MBD1: variants seen among roughly 807,000 people sequenced by gnomAD.
MBD1 encodes methyl-CpG-binding domain protein 1.
Under a neutral mutation model 82.6 loss-of-function variants are expected in MBD1, and 25 were observed. The ratio of observed to expected loss-of-function variants is 0.30; its 90% CI spans 0.22 to 0.42. The LOEUF (loss-of-function observed/expected upper bound fraction) is 0.42, where lower values mean the gene tolerates loss of function less well. MBD1 is among the 10% of genes least tolerant of loss of function. MBD1 has a pLI of 1.00. For synonymous variants in MBD1, 301 were observed against 303.7 expected (o/e 0.99, Z 0.09); for missense variants, 627 against 819.6 (o/e 0.76, Z 2.87).
Position 50,271,590 on chromosome 18 carries a change from G to A in MBD1, c.1779-50C>T, listed in dbSNP as rs373530320. ...ATGTTGAATGAGGTTTGCTATGTGC[G>A]CAATGGAGCATTACAAAACCATTTC... On this transcript the variant is annotated intron_variant, in intron 15 of 16. Transcript: ENST00000269468. 7.6e-5 allele frequency: 122 copies of A among 1,599,692 alleles called. 3 individuals carry two copies. The South Asian group carries it at 9.4e-4, about 12-fold the overall frequency.
chr18:50,271,270 G>GCAC, intron 16 of MBD1, 199 bp downstream of exon 16: 1 of 1,437,788 alleles, frequency 7.0e-7, no homozygotes, highest in Non-Finnish European at 9.1e-7. Context: ...AGGAGAAGAT[G>GCAC]CACCAACTTT....
At chr18:50,270,257 G>T in intron 16 of MBD1, 1 of 1,118,308 alleles carries the variant, frequency 8.9e-7, no homozygotes, top group Non-Finnish European at 1.3e-6. Context: ...TGGGACTAGG[G>T]TAAGGCAAGG....
chr18:50,273,843 G>C lies in MBD1; in HGVS notation c.1167C>G (p.Val389=). The C allele has an allele frequency of 6.2e-7, 1 of 1,613,190 alleles. No individual in the cohort carries two copies. Among genetic ancestry groups the C allele is most frequent in the Non-Finnish European group, 8.5e-7 (1 of 1,179,996 alleles). Residue 389 remains valine, a synonymous_variant, in exon 12 of 17, where the codon GTC becomes GTG. Transcript: ENST00000269468. ...CTGCCCCATCCTCAGACTCTGACCA[G>C]ACACTGGGCAGCAGCCGCTTCTATG... is the stretch of plus-strand genomic sequence containing the variant. ...QFAMKRLLPS[V]WSESEDGAGS...
chr18:50,271,245 C>T, intron 16 of MBD1: 1 of 1,396,764 alleles, frequency 7.2e-7, no homozygotes, highest in Non-Finnish European at 9.3e-7. Flanking sequence ...ACTTCTTATA[C>T]TCAGGCTCTT....
chr18:50,281,616 G>A, upstream of MBD1: 1 of 451,358 alleles, frequency 2.2e-6, no homozygotes, highest in Non-Finnish European at 3.9e-6. Flanking sequence ...TTAATAGGGA[G>A]GCTCCCGCGC....
chr18:50,274,394 G>A lies in MBD1; in HGVS notation c.979-41C>T, dbSNP rs1254769168. 1.9e-6 allele frequency: 3 copies of A among 1,598,100 alleles called. No individual in the cohort carries two copies. In the East Asian group the frequency reaches 6.7e-5, roughly 36 times the overall value. ...TGGGTGGTGCTGTCAACTAGGACTA[G>A]GAGAGGCCATCCTCAACGCCTATTC... On this transcript the variant is annotated intron_variant, in intron 10 of 16. Coordinates refer to ENST00000269468, the MANE Select transcript of MBD1 (RefSeq NM_015846.4).
At chr18:50,280,370 G>A (rs1042384530) in intron 1 of MBD1, among the ~76,000 whole-genome samples, 7 of 151,540 alleles carry the variant, frequency 4.6e-5, no homozygotes, top group East Asian at 2.0e-4. Context: ...TGACCTAAGG[G>A]CCTCTATCCC....
intron 1 of MBD1, 115 bp from the exon 2 acceptor site, chr18:50,280,132 G>C: frequency 1.0e-6 from 1 of 982,540 alleles, no homozygotes; most frequent in Non-Finnish European, 1.5e-6. Context: ...CCTAGGACCT[G>C]CCACAGGCAA....
intron 8 of MBD1, 148 bp from the exon 9 acceptor site, chr18:50,275,393 G>T (rs533152357): frequency 2.5e-6 from 4 of 1,608,696 alleles, no homozygotes; most frequent in African/African-American, 1.3e-5. Flanking sequence ...ACAGCCAGGG[G>T]AGTGCGTCGC....
intron 1 of MBD1, chr18:50,281,092 C>T: frequency 6.9e-7 from 1 of 1,444,546 alleles, no homozygotes. Context: ...TCAGATGCCC[C>T]GATGTCTCCC....
rs745339709 is a variant in MBD1, at chr18:50,275,577, C to G, written c.792+23G>C. The stretch of plus-strand genomic sequence containing the variant: ...GACGATTTTAACAGCAGAATGAGCT[C>G]TGCTCCCTCCAGCCCAACTCACCCG... On this transcript the variant is annotated intron_variant, in intron 8 of 16. Transcript: ENST00000269468. The G allele has an allele frequency of 1.4e-5, 22 of 1,614,042 alleles. No homozygotes were observed. In the Admixed American group the frequency reaches 3.2e-4, roughly 23 times the overall value.
rs1372318304 is a variant in MBD1, at chr18:50,274,312, G to A, written c.1020C>T (p.Ala340=). The A allele has an allele frequency of 2.5e-6, 4 of 1,613,764 alleles. No individual in the cohort carries two copies. Among genetic ancestry groups the A allele is most frequent in the Non-Finnish European group, 3.4e-6 (4 of 1,179,988 alleles). ...CCATCCGCCGTAGGCAGGCTGCACA[G>A]GCCCCGCACTTGCGGTTCTGCCGGC... ...TNRRQNRKCG[A]CAACLRRMDC... The change falls in exon 11 of 17, where the codon GCC becomes GCT. Residue 340 remains alanine, a synonymous_variant. Coordinates refer to ENST00000269468, the MANE Select transcript of MBD1 (RefSeq NM_015846.4).
At chr18:50,276,234 T>C (rs946000954) in intron 6 of MBD1, 144 bp downstream of exon 6, 1 of 902,092 alleles carries the variant, frequency 1.1e-6, no homozygotes, top group Non-Finnish European at 1.8e-6. Flanking sequence ...TTAATTCCCA[T>C]TATTGTGTCT....
In MBD1 at chr18:50,269,118, C is replaced by G; in HGVS notation, c.*733G>C. On this transcript the variant is annotated 3_prime_UTR_variant, in exon 17 of 17. Coordinates refer to ENST00000269468, the MANE Select transcript of MBD1 (RefSeq NM_015846.4). ...TCCTAGTATTAAGTACAGTGCCTAC[C>G]ACAGGCCAGGTTCTCAATACTTGAA... The G allele has an allele frequency of 9.7e-7, 1 of 1,028,836 alleles. No homozygotes were observed. Among genetic ancestry groups the G allele is most frequent in the Non-Finnish European group, 1.2e-6 (1 of 856,010 alleles). 63.7% of individuals were successfully genotyped at this position (1,028,836 alleles called of 1,614,324 possible).
rs1269542449 is a variant in MBD1 at position 50,269,785 on chromosome 18, T to C, written c.*66A>G. ...TGTCCTCGGTCTCCCACACTTTACA[T>C]CCATCTTCCCTTCCCGAGTGCCTGC... On this transcript the variant is annotated 3_prime_UTR_variant, in exon 17 of 17. Transcript: ENST00000269468. The C allele has an allele frequency of 1.3e-6, 1 of 784,844 alleles. No homozygotes were observed. The highest frequency in any genetic ancestry group is 2.4e-5 in the East Asian group (1 of 41,284). The allele number at this position is 784,844 out of a possible 1,614,324, so 48.6% of individuals were successfully genotyped here. A position where few individuals can be genotyped will look rare whatever the true frequency, so the allele number is the denominator to read the frequency against.
intron 8 of MBD1, 70 bp downstream of exon 8, chr18:50,275,530 G>A (rs1246667770): frequency 6.2e-7 from 1 of 1,612,470 alleles, no homozygotes; most frequent in East Asian, 2.2e-5. Flanking sequence ...GCAAGGCCAG[G>A]TTGAAAGGAA....
intron 16 of MBD1, chr18:50,270,675 C>T (rs2035135950): frequency 4.1e-6 from 1 of 244,534 alleles, no homozygotes; most frequent in African/African-American, 2.2e-5. Context: ...GCAGGAAACC[C>T]AGTTTCTGTA....
chr18:50,275,743 C>T lies in MBD1; in HGVS notation c.664-15G>A, dbSNP rs752079710. The T allele has an allele frequency of 2.5e-6, 4 of 1,613,996 alleles. No individual in the cohort carries two copies. Among genetic ancestry groups the T allele is most frequent in the Non-Finnish European group, 3.4e-6 (4 of 1,180,000 alleles). ...CACCCTCGGCTCTGTTGGCGGGGGG[C>T]AGGTGGGAGCAGAGGCATGAAGCAT... On this transcript the variant is annotated splice_polypyrimidine_tract_variant and intron_variant, in intron 7 of 16. Coordinates refer to ENST00000269468, the MANE Select transcript of MBD1 (RefSeq NM_015846.4).
At position 50,275,999 on chromosome 18, in the gene MBD1, G is replaced by T; in HGVS notation, c.517-18C>A. 1 of 1,608,844 alleles carries T rather than the reference G, an allele frequency of 6.2e-7. No homozygotes were observed. Among genetic ancestry groups the T allele is most frequent in the Non-Finnish European group, 8.5e-7 (1 of 1,179,702 alleles). ...CCCACACGCTGCCAGGAATGGTAGG[G>T]ACGAGATCACGGGCCTGCTCCAGAA... On this transcript the variant is annotated intron_variant, in intron 6 of 16. Transcript: ENST00000269468.
Sources: gnomAD v4.1 joint callset for allele counts (sites outside exome capture counted in the v4.1 genomes callset) on GRCh38, gnomAD v4.1.1 for gene constraint, MANE v1.5 for transcripts, NCBI Gene and HGNC (gene_info 2026-07-23, HGNC 2026-07-21) for gene names.